SLC12A8: variants seen among roughly 807,000 people sequenced by gnomAD.
The protein encoded by SLC12A8 is solute carrier family 12 member 8.
A neutral mutation model predicts 75.6 loss-of-function variants in SLC12A8; 69 were observed. The ratio of observed to expected loss-of-function variants is 0.91; its 90% confidence interval spans 0.75 to 1.11. The LOEUF is 1.11. Among genes scored for constraint, SLC12A8 ranks in the 50% most tolerant of loss-of-function variants. The probability of loss-of-function intolerance (pLI) is 0.00; values close to 1 mark genes in which losing one functional copy is unlikely to be tolerated. For missense variants in SLC12A8, 877 were observed against 896.7 expected, an observed-to-expected ratio of 0.98 and a Z score of 0.28; for synonymous variants, 365 against 372.8, an observed-to-expected ratio of 0.98 and a Z score of 0.24.
chr3:125,134,935 A>G (rs1933451589), intron 6 of SLC12A8, among the ~76,000 whole-genome samples: 1 of 152,234 alleles, frequency 6.6e-6, no homozygotes, highest in Non-Finnish European at 1.5e-5. Flanking sequence ...CTTCATTAAG[A>G]GTCTGTTCCC....
intron 5 of SLC12A8, among the ~76,000 whole-genome samples, chr3:125,143,013 G>A (rs561956943): frequency 4.5e-4 from 68 of 152,346 alleles, no homozygotes; most frequent in Non-Finnish European, 6.8e-4. Flanking sequence ...CTTACTGGCC[G>A]ATAATGAGAG....
intron 3 of SLC12A8, 45 bp from the exon 4 acceptor site, chr3:125,187,473 C>A: frequency 6.4e-7 from 1 of 1,574,332 alleles, no homozygotes; most frequent in Non-Finnish European, 8.7e-7. Flanking sequence ...GGTGAGGAGG[C>A]CCCGCCAGCT....
At chr3:125,173,817 G>A (rs994066709) in intron 5 of SLC12A8, among the ~76,000 whole-genome samples, 10 of 152,222 alleles carry the variant, frequency 6.6e-5, no homozygotes, top group East Asian at 1.9e-4. Flanking sequence ...GTGGCCGGGC[G>A]CAGTGGCTCA....
Position 125,187,298 on chromosome 3 carries a change from A to C in SLC12A8, c.329T>G (p.Ile110Ser), listed in dbSNP as rs1344708905. 1.2e-6 allele frequency: 2 copies of C among 1,614,130 alleles called. No individual in the cohort carries two copies. The highest frequency in any genetic ancestry group is 8.5e-7 in the Non-Finnish European group (1 of 1,180,028). ...CGTCTGCCCACCCAGGACCGAGGAG[A>C]TCATGGAGTAGACGCCACCGCTGCC... ...SIGSGGVYSM[I>S]SSVLGGQTGG... The change falls in exon 4 of 14, where the codon ATC becomes AGC. Residue 110 changes from isoleucine to serine, a missense_variant. Ile to Ser is a moderately radical substitution (Grantham distance 142). Transcript: ENST00000469902.
At chr3:125,122,334 T>C (rs1483833764) in intron 6 of SLC12A8, among the ~76,000 whole-genome samples, 2 of 152,356 alleles carry the variant, frequency 1.3e-5, no homozygotes, top group East Asian at 1.9e-4. Context: ...TGAAAACTTT[T>C]AAGGTTTTGT....
chr3:125,187,322 C>G lies in SLC12A8; in HGVS notation c.305G>C (p.Gly102Ala), dbSNP rs371645144. ...GATCATGGAGTAGACGCCACCGCTG[C>G]CGATGCTGCTGCGCTCCCCGACGCC... Reference protein sequence around the residue: ...GIGVGERSSIGSGGVYSMISS... With the variant: ...GIGVGERSSIASGGVYSMISS... The change falls in exon 4 of 14, where the codon GGC becomes GCC. Residue 102 changes from glycine (G) to alanine (A), a missense_variant. Physicochemically the swap from Gly to Ala is moderately conservative, Grantham distance 60 (BLOSUM62 0). Transcript: ENST00000469902. The G allele has an allele frequency of 6.2e-7, 1 of 1,614,064 alleles. No individual in the cohort carries two copies. The highest frequency in any genetic ancestry group is 8.5e-7 in the Non-Finnish European group (1 of 1,180,042).
intron 5 of SLC12A8, among the ~76,000 whole-genome samples, chr3:125,138,843 A>AG: frequency 1.8e-5 from 2 of 113,580 alleles, no homozygotes; most frequent in Non-Finnish European, 3.6e-5. Context: ...CCCCTTCTAC[A>AG]AAACACACAC....
chr3:125,149,896 A>G (rs541315667), intron 5 of SLC12A8, among the ~76,000 whole-genome samples: 1 of 152,334 alleles, frequency 6.6e-6, no homozygotes, highest in African/African-American at 2.4e-5. Flanking sequence ...CTTGGTCTGC[A>G]GAGGCTCAGA....
At chr3:125,135,640 A>T (rs759549034) in intron 6 of SLC12A8, 29 bp downstream of exon 6, 2 of 1,457,704 alleles carry the variant, frequency 1.4e-6, no homozygotes, top group Admixed American at 4.1e-5. Context: ...CCCTAATTTG[A>T]GAGTAAAAAA....
At position 125,107,487 on chromosome 3, in the gene SLC12A8, C is replaced by T. The variant is rs772403941; in HGVS notation, c.1699G>A (p.Gly567Arg). The T allele has an allele frequency of 1.2e-6, 2 of 1,605,204 alleles. No individual in the cohort carries two copies. The highest frequency in any genetic ancestry group is 2.2e-5 in the East Asian group (1 of 44,632). ...PELCNQSESS[G>R]EDFFLKSRLQ... ...GTGATACCAGAGCACTCACCTTCTC[C>T]ACTGGACTCTGATTGGTTGCACAGC... The change falls in exon 10 of 14, where the codon GGA (glycine) becomes AGA (arginine). Residue 567 changes from glycine to arginine, a missense_variant. Transcript: ENST00000469902.
intron 12 of SLC12A8, 80 bp downstream of exon 12, chr3:125,091,359 T>C (rs1020897843): frequency 5.2e-5 from 47 of 909,166 alleles, no homozygotes; most frequent in Admixed American, 1.6e-4. Context: ...TGGCATTCAA[T>C]TGATATTCAA....
chr3:125,165,057 T>C (rs987197560), intron 5 of SLC12A8, among the ~76,000 whole-genome samples: 1 of 152,150 alleles, frequency 6.6e-6, no homozygotes, highest in Non-Finnish European at 1.5e-5. Context: ...GGCTTTGAAG[T>C]TACTTCACCT....
intron 10 of SLC12A8, among the ~76,000 whole-genome samples, chr3:125,104,174 T>C (rs1200232151): frequency 6.6e-6 from 1 of 152,100 alleles, no homozygotes; most frequent in Non-Finnish European, 1.5e-5. Context: ...GGAGTGATCA[T>C]AGCTCATTGT....
intron 4 of SLC12A8, among the ~76,000 whole-genome samples, chr3:125,180,795 G>A (rs1934641768): frequency 6.6e-6 from 1 of 152,322 alleles, no homozygotes. Context: ...CTAAATAGAT[G>A]ATGGTACCAT....
intron 10 of SLC12A8, among the ~76,000 whole-genome samples, chr3:125,094,720 C>A (rs1938670406): frequency 6.6e-6 from 1 of 152,234 alleles, no homozygotes; most frequent in Admixed American, 6.5e-5. Context: ...TCCCTTATAG[C>A]AAACCTCCTC....
chr3:125,177,694 A>G, intron 5 of SLC12A8, 49 bp downstream of exon 5: 1 of 1,478,772 alleles, frequency 6.8e-7, no homozygotes, highest in Non-Finnish European at 9.4e-7. Flanking sequence ...AAACATCTCT[A>G]AAGCAGTGAA....
chr3:125,142,885 C>T (rs10934708), intron 5 of SLC12A8, among the ~76,000 whole-genome samples: 38,074 of 152,142 alleles, frequency 0.25, 5,700 homozygotes, highest in Middle Eastern at 0.37. Context: ...AGGTAAAATC[C>T]CAAACCAGCT....
At position 125,083,244 on chromosome 3, in the gene SLC12A8, C is replaced by G. The variant is rs1200754206; in HGVS notation, c.*646G>C. ...CATACACTTATTGTGGCCCTCTGCACAAGCAATCTGGTTGTGCAGAGTCTT... is the reference window on the plus strand; with the variant it reads ...CATACACTTATTGTGGCCCTCTGCAGAAGCAATCTGGTTGTGCAGAGTCTT... On this transcript the variant is annotated 3_prime_UTR_variant, in exon 14 of 14. Coordinates refer to ENST00000469902, the MANE Select transcript of SLC12A8 (RefSeq NM_024628.6). 2.0e-5 allele frequency: 3 copies of G among 152,120 alleles called. No individual in the cohort carries two copies. The highest frequency in any genetic ancestry group is 1.3e-4 in the Admixed American group (2 of 15,280). 9.4% of individuals were successfully genotyped at this position (152,120 alleles called of 1,614,324 possible).
intron 2 of SLC12A8, among the ~76,000 whole-genome samples, chr3:125,197,817 C>T (rs973470746): frequency 2.6e-5 from 4 of 152,194 alleles, no homozygotes; most frequent in African/African-American, 9.7e-5. Flanking sequence ...GTTAGAAAAT[C>T]ACCATTTTGC....
Sources: allele counts gnomAD v4.1 joint callset (sites outside exome capture counted in the v4.1 genomes callset), GRCh38; gene constraint gnomAD v4.1.1; transcripts MANE v1.5; gene names NCBI Gene and HGNC (gene_info 2026-07-23, HGNC 2026-07-21).